Variants in ABLIM2 observed in about 807,000 individuals in gnomAD.
ABLIM2 encodes the protein actin-binding LIM protein 2.
ABLIM2 carries 53 observed loss-of-function variants against 97.7 expected under a neutral mutation model. The ratio of observed to expected loss-of-function variants is 0.54; its 90% CI spans 0.44 to 0.68. ABLIM2 has a LOEUF of 0.68. Ranked by LOEUF, ABLIM2 falls within the 30% of genes least tolerant of loss-of-function variation. The probability of loss-of-function intolerance (pLI) is 0.00; values close to 1 mark genes in which losing one functional copy is unlikely to be tolerated. For missense variants in ABLIM2, 835 were observed against 867.2 expected (o/e 0.96, Z 0.47); for synonymous variants, 361 against 345.8 (o/e 1.04, Z -0.49).
Position 8,124,345 on chromosome 4 carries a change from G to A in ABLIM2, c.11-17708C>T, listed in dbSNP as rs1846852263. Reference sequence around the variant, plus strand: ...CTTTTGGTATTTCACAGAGCTGCGTGCTGATCACCATAATCCATTTTAGAA... The same window carrying A: ...CTTTTGGTATTTCACAGAGCTGCGTACTGATCACCATAATCCATTTTAGAA... On this transcript the variant is annotated intron_variant, in intron 1 of 20. Coordinates refer to ENST00000447017, the MANE Select transcript of ABLIM2 (RefSeq NM_001130083.2). This position sits in a 1 kb window ranked among gnomAD's most constrained non-coding sequence, Gnocchi z 6.1. Among the ~76,000 whole-genome samples the A allele has an allele frequency of 6.6e-6, 1 of 152,188 alleles. No individual in the cohort carries two copies. Among genetic ancestry groups the A allele is most frequent in the South Asian group, 2.1e-4 (1 of 4,824 alleles).
chr4:8,117,245 A>T (rs1843167854), intron 1 of ABLIM2, among the ~76,000 whole-genome samples: 1 of 152,214 alleles, frequency 6.6e-6, no homozygotes, highest in African/African-American at 2.4e-5. Context: ...CCAAAGCCAC[A>T]CCGTGAGGAG....
Position 8,068,444 on chromosome 4 carries a change from G to T in ABLIM2, c.676-7390C>A, listed in dbSNP as rs182264737. ...GTTTAAGGGACGTCCCCACTGTGAC[G>T]TGCAGAATAGGGCCAGCAGGACAGA... is the stretch of plus-strand genomic sequence containing the variant. On this transcript the variant is annotated intron_variant, in intron 6 of 20. Coordinates refer to ENST00000447017, the MANE Select transcript of ABLIM2 (RefSeq NM_001130083.2). This position sits in a 1 kb window ranked among gnomAD's most constrained non-coding sequence, Gnocchi z 4.5. 4.4e-3 allele frequency among the ~76,000 whole-genome samples: 670 copies of T among 152,224 alleles called. No individual in the cohort carries two copies. The highest frequency in any genetic ancestry group is 6.9e-3 in the Non-Finnish European group (472 of 67,996).
intron 17 of ABLIM2, among the ~76,000 whole-genome samples, chr4:7,987,389 C>T (rs1745126538): frequency 6.6e-6 from 1 of 152,220 alleles, no homozygotes; most frequent in South Asian, 2.1e-4. Flanking sequence ...TCCCAAAGCA[C>T]TGGGATTACA....
chr4:8,029,755 A>G lies in ABLIM2; in HGVS notation c.1069T>C (p.Tyr357His), dbSNP rs1160773475. 1 of 1,567,590 alleles carries G rather than the reference A, an allele frequency of 6.4e-7. No homozygotes were observed. Among genetic ancestry groups the G allele is most frequent in the East Asian group, 2.4e-5 (1 of 42,140 alleles). ...YGEGDQDDRS[Y>H]KQCRTSSPSS... is the part of the protein sequence containing the mutation. ...GGGCTGGAGGTCCGACACTGCTTGT[A>G]GGACCGGTCATCCTGATCCCCCTGG... The change falls in exon 11 of 21, where the codon TAC becomes CAC. Residue 357 changes from tyrosine (Y) to histidine (H), a missense_variant. By Grantham distance (83) the Tyr-to-His change is moderately conservative. Coordinates refer to ENST00000447017, the MANE Select transcript of ABLIM2 (RefSeq NM_001130083.2).
chr4:8,153,588 C>T (rs1011291951), intron 1 of ABLIM2, among the ~76,000 whole-genome samples: 1 of 152,226 alleles, frequency 6.6e-6, no homozygotes, highest in African/African-American at 2.4e-5. Flanking sequence ...TGCAGCAGTG[C>T]AGCTGCCTGT....
intron 17 of ABLIM2, among the ~76,000 whole-genome samples, chr4:7,988,417 T>A (rs1746131960): frequency 6.6e-6 from 1 of 152,220 alleles, no homozygotes; most frequent in African/African-American, 2.4e-5. Flanking sequence ...ACTTTACAGA[T>A]GAGCCTTAGA....
rs532977459 is a variant in ABLIM2, at chr4:8,158,812, A to G, written c.-123T>C. The G allele has an allele frequency of 1.4e-5, 12 of 862,830 alleles. No homozygotes were observed. In the South Asian group the frequency reaches 5.2e-4, roughly 37 times the overall value. 53.4% of individuals were successfully genotyped at this position (862,830 alleles called of 1,614,324 possible). On this transcript the variant is annotated 5_prime_UTR_variant, in exon 1 of 21. Coordinates refer to ENST00000447017, the MANE Select transcript of ABLIM2 (RefSeq NM_001130083.2). ...GGCTCCGCGCCCGCTCCTTGCGCAC[A>G]CGCCAGGCAGCGCCGCCGCAGCCCC...
chr4:8,052,722 C>T lies in ABLIM2; in HGVS notation c.822+1466G>A, dbSNP rs557999257. Among the ~76,000 whole-genome samples, 12 of 152,356 alleles carry T rather than the reference C, an allele frequency of 7.9e-5. No homozygotes were observed. In the East Asian group the frequency reaches 2.1e-3, roughly 27 times the overall value. ...AAGGGTCCAGATGCTGGGCATCCTG[C>T]AGCTTCGCTCAGACGGGCCTGCATC... On this transcript the variant is annotated intron_variant, in intron 8 of 20. Coordinates refer to ENST00000447017, the MANE Select transcript of ABLIM2 (RefSeq NM_001130083.2).
At chr4:8,010,904 C>A (rs1203450113) in intron 14 of ABLIM2, among the ~76,000 whole-genome samples, 2 of 152,230 alleles carry the variant, frequency 1.3e-5, no homozygotes, top group Non-Finnish European at 2.9e-5. Flanking sequence ...AGGGAGAAGG[C>A]AGGCTAGGGG....
In ABLIM2 at chr4:8,020,134, GGGTGTGGCCAGTTTC is replaced by G. The variant is rs1239883392; in HGVS notation, c.1369+53_1369+67del. The stretch of plus-strand genomic sequence containing the variant: ...CTGAGTCAAGGCAAGCTGACAGTTT[GGGTGTGGCCAGTTTC>G]GGTGTGGACAGTTTCAGTGTAAGGA... On this transcript the variant is annotated intron_variant, in intron 13 of 20. Coordinates refer to ENST00000447017, the MANE Select transcript of ABLIM2 (RefSeq NM_001130083.2). 27 of 1,431,862 alleles carry G rather than the reference GGGTGTGGCCAGTTTC, an allele frequency of 1.9e-5. No individual in the cohort carries two copies. The African/African-American group carries it at 2.2e-4, about 12-fold the overall frequency. The allele number at this position is 1,431,862 out of a possible 1,614,324, so 88.7% of individuals were successfully genotyped here.
At chr4:7,980,941 ATTTT>A (rs1167615555) in intron 20 of ABLIM2, among the ~76,000 whole-genome samples, 3 of 82,984 alleles carry the variant, frequency 3.6e-5, no homozygotes, top group African/African-American at 1.7e-4. Flanking sequence ...ACAACCCCTT[ATTTT>A]TTTTTTTTTT....
intron 16 of ABLIM2, among the ~76,000 whole-genome samples, chr4:8,006,092 G>T (rs888107857): frequency 6.6e-6 from 1 of 152,240 alleles, no homozygotes; most frequent in Non-Finnish European, 1.5e-5. Flanking sequence ...TCTGGGCCTC[G>T]CAAGGCTGGC....
chr4:8,158,538 CA>C, intron 1 of ABLIM2, 141 bp downstream of exon 1: 2 of 1,116,422 alleles, frequency 1.8e-6, no homozygotes, highest in Non-Finnish European at 1.2e-6. Flanking sequence ...CTCGGGGCTG[CA>C]AAATCCTGGA....
intron 20 of ABLIM2, among the ~76,000 whole-genome samples, chr4:7,976,687 A>G (rs913843786): frequency 6.6e-6 from 1 of 150,480 alleles, no homozygotes; most frequent in Admixed American, 6.6e-5. Flanking sequence ...ACACATGTGC[A>G]TGCACACACA....
At chr4:7,975,969 C>T (rs776438480) in intron 20 of ABLIM2, among the ~76,000 whole-genome samples, 4 of 152,178 alleles carry the variant, frequency 2.6e-5, no homozygotes, top group African/African-American at 7.2e-5. Flanking sequence ...GTAGCTCAAT[C>T]GTGTTCAGGC....
chr4:8,158,650 CCCGTT>C, intron 1 of ABLIM2, 25 bp downstream of exon 1: 1 of 1,503,896 alleles, frequency 6.6e-7, no homozygotes, highest in Non-Finnish European at 8.8e-7. Flanking sequence ...AGCGCGGGGA[CCCGTT>C]GGTCCCTCGG....
rs1771525918 is a variant in ABLIM2, at chr4:8,018,991, AG to A, written c.1423+626del. Among the ~76,000 whole-genome samples, 2 of 152,170 alleles carry A rather than the reference AG, an allele frequency of 1.3e-5. 1 individual carries two copies. The highest frequency in any genetic ancestry group is 4.1e-4 in the South Asian group (2 of 4,828). On this transcript the variant is annotated intron_variant, in intron 14 of 20. Coordinates refer to ENST00000447017, the MANE Select transcript of ABLIM2 (RefSeq NM_001130083.2). ...CTGTCAATCACCCAGAAATCCCAGG[AG>A]GAAAGAGAGGGGAGACCATGTGGCC...
intron 9 of ABLIM2, among the ~76,000 whole-genome samples, chr4:8,039,661 T>C (rs1426979408): frequency 4.6e-5 from 7 of 152,180 alleles, no homozygotes; most frequent in Admixed American, 3.3e-4. Context: ...ACCCAGTCAA[T>C]GATAACACAG....
chr4:8,110,354 G>A (rs1037422592), intron 1 of ABLIM2, among the ~76,000 whole-genome samples: 2 of 152,190 alleles, frequency 1.3e-5, no homozygotes, highest in African/African-American at 4.8e-5. Flanking sequence ...GACAGCGCGG[G>A]TGGTGGGGTC....
Sources: allele counts gnomAD v4.1 joint callset (sites outside exome capture counted in the v4.1 genomes callset), GRCh38; gene constraint gnomAD v4.1.1; non-coding constraint Gnocchi (gnomAD v3.1); transcripts MANE v1.5; gene names NCBI Gene and HGNC (gene_info 2026-07-23, HGNC 2026-07-21).